The following SPECC1 variants were observed in gnomAD, a reference collection of about 807,000 sequenced individuals.
The protein encoded by SPECC1 is cytospin-B.
SPECC1 carries 62 observed loss-of-function variants against 104.1 expected under a neutral mutation model. The observed-to-expected ratio is 0.60, with a 90% CI of 0.49 to 0.74. The LOEUF is 0.74. Among genes scored for constraint, SPECC1 ranks in the 30% least tolerant of loss-of-function variants. The pLI is 0.00. For missense variants in SPECC1, 1,306 were observed against 1,310.5 expected (o/e 1.00, Z 0.05); for synonymous variants, 513 against 501.6 (o/e 1.02, Z -0.30).
At chr17:20,256,078 C>T (rs1019192783) in intron 10 of SPECC1, among the ~76,000 whole-genome samples, 2 of 151,954 alleles carry the variant, frequency 1.3e-5, no homozygotes, top group Non-Finnish European at 1.5e-5. Flanking sequence ...GGGGTTTCAC[C>T]GTGTTAGCCA....
chr17:20,163,443 T>C (rs2151139899), intron 3 of SPECC1, among the ~76,000 whole-genome samples: 1 of 152,290 alleles, frequency 6.6e-6, no homozygotes, highest in South Asian at 2.1e-4. Context: ...TTTAGGTTCT[T>C]GTTAAAGTCT....
At chr17:20,173,972 G>A (rs553504485) in intron 3 of SPECC1, among the ~76,000 whole-genome samples, 1 of 149,456 alleles carries the variant, frequency 6.7e-6, no homozygotes, top group Admixed American at 6.7e-5. Context: ...TGCTTTTGTT[G>A]CCCATGCTGG....
intron 12 of SPECC1, among the ~76,000 whole-genome samples, chr17:20,274,500 C>CTTTTTTTT (rs2040510250): frequency 7.0e-6 from 1 of 143,660 alleles, no homozygotes. Context: ...TCCTTTTTTT[C>CTTTTTTTT]TTTTTTCTTT....
chr17:20,279,309 CTTTTTTTTTTTTTCTTTT>C (rs1453607026), intron 12 of SPECC1, among the ~76,000 whole-genome samples: 3 of 131,866 alleles, frequency 2.3e-5, no homozygotes, highest in Non-Finnish European at 4.9e-5. Context: ...ACTTTTCTTT[CTTTTTTTTTTTTTCTTTT>C]TTTTTTTTTT....
Position 20,207,687 on chromosome 17 carries a change from T to C in SPECC1, c.1863+1775T>C, listed in dbSNP as rs938040062. On this transcript the variant is annotated intron_variant, in intron 4 of 14. Transcript: ENST00000395527. ...AAGTATTACCTTTAATTTCACCACT[T>C]GGAGAAAAACTGCTAACCTTTTGCT... 2.6e-5 allele frequency among the ~76,000 whole-genome samples: 4 copies of C among 152,368 alleles called. No individual in the cohort carries two copies. In the East Asian group the frequency reaches 5.8e-4, roughly 22 times the overall value.
chr17:20,013,418 G>A (rs1225741837), intron 1 of SPECC1, among the ~76,000 whole-genome samples: 2 of 152,066 alleles, frequency 1.3e-5, no homozygotes, highest in African/African-American at 4.8e-5. Context: ...TGAAATCTTT[G>A]TCTTTTAATA....
rs2039985842 is a variant in SPECC1 at position 20,260,434 on chromosome 17, C to T, written c.2940+140C>T. The T allele has an allele frequency of 1.0e-5, 7 of 698,236 alleles. No homozygotes were observed. The South Asian group carries it at 1.7e-4, about 17-fold the overall frequency. 43.3% of individuals were successfully genotyped at this position (698,236 alleles called of 1,614,324 possible). On this transcript the variant is annotated intron_variant, in intron 12 of 14. Coordinates refer to ENST00000395527, the MANE Select transcript of SPECC1 (RefSeq NM_001243439.2). ...TTTCTATTCTCCTAGGCAGGGCTGCCAGGGAATGTTTGATATTTGTGCACT... is the reference window on the plus strand; with the variant it reads ...TTTCTATTCTCCTAGGCAGGGCTGCTAGGGAATGTTTGATATTTGTGCACT...
chr17:20,141,723 C>T (rs908400017), intron 3 of SPECC1, among the ~76,000 whole-genome samples: 1 of 152,158 alleles, frequency 6.6e-6, no homozygotes, highest in African/African-American at 2.4e-5. Flanking sequence ...TTTCCACCAC[C>T]AGCTCCAGGC....
intron 3 of SPECC1, chr17:20,156,220 C>G (rs768681628): frequency 1.1e-5 from 15 of 1,414,006 alleles, no homozygotes; most frequent in East Asian, 3.0e-5. Context: ...CAGGACGGCC[C>G]GAGGATCCGG....
chr17:20,253,406 G>C, intron 9 of SPECC1, 99 bp from the exon 10 acceptor site: 1 of 1,159,396 alleles, frequency 8.6e-7, no homozygotes, highest in Non-Finnish European at 1.2e-6. Flanking sequence ...CTGTGTTTAA[G>C]AACTGTTGCA....
intron 3 of SPECC1, among the ~76,000 whole-genome samples, chr17:20,170,038 C>T (rs920697046): frequency 6.6e-6 from 1 of 152,228 alleles, no homozygotes; most frequent in Non-Finnish European, 1.5e-5. Context: ...CGTCACAGGA[C>T]AAAAACACTT....
At chr17:20,097,909 C>T (rs905810889) in intron 2 of SPECC1, among the ~76,000 whole-genome samples, 3 of 152,154 alleles carry the variant, frequency 2.0e-5, no homozygotes, top group East Asian at 1.9e-4. Context: ...TCCTCCTACC[C>T]GTTAAATATT....
chr17:20,087,850 G>A (rs2047235545), intron 1 of SPECC1, among the ~76,000 whole-genome samples: 1 of 152,126 alleles, frequency 6.6e-6, no homozygotes, highest in Non-Finnish European at 1.5e-5. Flanking sequence ...ATAAACCAGG[G>A]GCTGTTTGGT....
intron 12 of SPECC1, among the ~76,000 whole-genome samples, chr17:20,294,916 C>T (rs2041296979): frequency 1.3e-5 from 2 of 152,096 alleles, no homozygotes; most frequent in African/African-American, 2.4e-5. Context: ...TGGGCAACAC[C>T]AGGCCATTCC....
chr17:20,022,412 T>C (rs776604073), intron 1 of SPECC1, among the ~76,000 whole-genome samples: 1 of 152,202 alleles, frequency 6.6e-6, no homozygotes, highest in Admixed American at 6.5e-5. Flanking sequence ...TAGCCCCTTG[T>C]TGATGTTTCG....
chr17:20,287,174 T>C (rs1054044331), intron 12 of SPECC1, among the ~76,000 whole-genome samples: 1 of 152,068 alleles, frequency 6.6e-6, no homozygotes, highest in Admixed American at 6.5e-5. Flanking sequence ...TCCCAGCACT[T>C]TGGGAGGCCG....
At chr17:20,033,152 C>T (rs899217798) in intron 1 of SPECC1, among the ~76,000 whole-genome samples, 5 of 151,780 alleles carry the variant, frequency 3.3e-5, no homozygotes, top group African/African-American at 4.8e-5. Flanking sequence ...TTAGTAGAGA[C>T]GGGGTTTTGC....
chr17:20,262,249 GA>G (rs1265393119), intron 12 of SPECC1, among the ~76,000 whole-genome samples: 1 of 152,156 alleles, frequency 6.6e-6, no homozygotes, highest in Non-Finnish European at 1.5e-5. Context: ...GAGCTATTAT[GA>G]ATAACGCTGT....
chr17:20,241,584 A>G (rs1282662369), intron 7 of SPECC1, among the ~76,000 whole-genome samples: 3 of 152,304 alleles, frequency 2.0e-5, no homozygotes, highest in African/African-American at 7.2e-5. Flanking sequence ...AATTCTTCAG[A>G]ATCTAAGCCA....
Sources: allele counts gnomAD v4.1 joint callset (sites outside exome capture counted in the v4.1 genomes callset), GRCh38; gene constraint gnomAD v4.1.1; transcripts MANE v1.5; gene names NCBI Gene and HGNC (gene_info 2026-07-23, HGNC 2026-07-21).